Variants in BTD observed in about 807,000 individuals in gnomAD.
BTD encodes the protein biocytinase.
In BTD, 13 loss-of-function variants were observed where a neutral mutation model predicts 17.7. That is an observed-to-expected ratio of 0.74 (90% CI 0.48 to 1.17). The LOEUF is 1.17. Among genes scored for constraint, BTD ranks in the 50% most tolerant of loss-of-function variants. The probability of loss-of-function intolerance (pLI) is 0.00; values close to 1 mark genes in which losing one functional copy is unlikely to be tolerated. For missense variants in BTD, 674 were observed against 650.4 expected (o/e 1.04, Z -0.39); for synonymous variants, 240 against 245.2 (o/e 0.98, Z 0.20).
At chr3:15,722,197 G>A (rs1166230341) in exon 5 of BTD, among the ~76,000 whole-genome samples, 2 of 152,304 alleles carry the variant, frequency 1.3e-5, no homozygotes, top group Non-Finnish European at 2.9e-5. Context: ...TCTCTATTTA[G>A]AGTGGGAGCT....
chr3:15,616,264 C>G (rs528572730), intron 1 of BTD, among the ~76,000 whole-genome samples: 29 of 152,204 alleles, frequency 1.9e-4, no homozygotes, highest in Non-Finnish European at 3.8e-4. Context: ...GTGTTCCCAT[C>G]AGCAATGAAT....
intron 3 of BTD, among the ~76,000 whole-genome samples, chr3:15,704,204 A>C (rs73817069): frequency 6.6e-6 from 1 of 152,104 alleles, no homozygotes; most frequent in Admixed American, 6.5e-5. Context: ...ACATGATGTA[A>C]AATAAAGACA....
At chr3:15,661,373 T>C (rs2065923122) in intron 3 of BTD, among the ~76,000 whole-genome samples, 1 of 151,336 alleles carries the variant, frequency 6.6e-6, no homozygotes, top group South Asian at 2.1e-4. Context: ...TTCTAATTGG[T>C]GTGTTGTGGC....
chr3:15,642,611 C>T (rs554036189), intron 3 of BTD, among the ~76,000 whole-genome samples: 1 of 151,898 alleles, frequency 6.6e-6, no homozygotes, highest in African/African-American at 2.4e-5. Context: ...CCCACCACCA[C>T]GCCCGGCTAA....
intron 3 of BTD, among the ~76,000 whole-genome samples, chr3:15,706,071 TTG>T (rs1019438535): frequency 6.6e-6 from 1 of 151,896 alleles, no homozygotes; most frequent in South Asian, 2.1e-4. Flanking sequence ...AATTTTTTTT[TTG>T]TGTGTGTGTG....
chr3:15,711,144 A>T, exon 4 of BTD: 1 of 1,330,248 alleles, frequency 7.5e-7, no homozygotes, highest in Non-Finnish European at 1.1e-6. Context: ...AAAAAGAACA[A>T]AGATAAGAGA....
intron 1 of BTD, among the ~76,000 whole-genome samples, chr3:15,610,916 T>C (rs559878399): frequency 6.6e-6 from 1 of 150,644 alleles, no homozygotes; most frequent in East Asian, 1.9e-4. Flanking sequence ...GTCAGGGTCA[T>C]GGTTACTTGA....
chr3:15,621,423 A>T (rs1450333846), intron 1 of BTD, among the ~76,000 whole-genome samples: 1 of 152,086 alleles, frequency 6.6e-6, no homozygotes, highest in Non-Finnish European at 1.5e-5. Context: ...GGTATAATTT[A>T]TTTCTGAATG....
chr3:15,687,029 C>T (rs577934711), intron 3 of BTD, among the ~76,000 whole-genome samples: 2 of 151,596 alleles, frequency 1.3e-5, no homozygotes, highest in South Asian at 2.1e-4. Context: ...CTGCAACTTC[C>T]GCCTCCTGGG....
chr3:15,601,673 C>T, upstream of BTD: 1 of 1,554,348 alleles, frequency 6.4e-7, no homozygotes, highest in Non-Finnish European at 8.7e-7. Context: ...CGCGCGTTCT[C>T]CAATCAGAAC....
At chr3:15,610,497 C>T (rs1004711163) in intron 1 of BTD, among the ~76,000 whole-genome samples, 13 of 152,146 alleles carry the variant, frequency 8.5e-5, no homozygotes, top group African/African-American at 2.7e-4. Context: ...AGTCAATTTA[C>T]CATAACATCC....
At chr3:15,695,546 T>A (rs2069412840) in intron 3 of BTD, among the ~76,000 whole-genome samples, 1 of 152,154 alleles carries the variant, frequency 6.6e-6, no homozygotes, top group Non-Finnish European at 1.5e-5. Flanking sequence ...AAGCAAAGTT[T>A]AATGTAATTT....
At chr3:15,603,342 G>A (rs551955116) in intron 1 of BTD, among the ~76,000 whole-genome samples, 94 of 152,210 alleles carry the variant, frequency 6.2e-4, no homozygotes, top group African/African-American at 1.7e-3. Context: ...AGTCCCTTCC[G>A]CCTATGAGCC....
chr3:15,678,216 A>G (rs1559316976), intron 3 of BTD: 1 of 1,609,730 alleles, frequency 6.2e-7, no homozygotes, highest in Non-Finnish European at 8.5e-7. Context: ...TACCAACTGT[A>G]TTTGTTTGTC....
chr3:15,703,401 T>C (rs1005624404), intron 3 of BTD, among the ~76,000 whole-genome samples: 4 of 152,208 alleles, frequency 2.6e-5, no homozygotes, highest in Non-Finnish European at 5.9e-5. Flanking sequence ...GGTGATGTTA[T>C]TAGGAGGTGG....
At chr3:15,614,198 A>T (rs1214680848) in intron 1 of BTD, among the ~76,000 whole-genome samples, 1 of 144,532 alleles carries the variant, frequency 6.9e-6, no homozygotes, top group African/African-American at 2.6e-5. Context: ...GCCGTAGCCC[A>T]CTGCAGCCTT....
chr3:15,631,333 G>A, intron 1 of BTD: 1 of 837,568 alleles, frequency 1.2e-6, no homozygotes, highest in Non-Finnish European at 1.8e-6. Context: ...TTAAAAAGAT[G>A]TTTTATTTAT....
intron 1 of BTD, among the ~76,000 whole-genome samples, chr3:15,608,264 G>C (rs963418076): frequency 1.3e-5 from 2 of 152,164 alleles, no homozygotes; most frequent in African/African-American, 4.8e-5. Flanking sequence ...CAGAAGGAAT[G>C]TTGTTCCCTT....
At chr3:15,689,753 G>T in intron 3 of BTD, 1 of 304,080 alleles carries the variant, frequency 3.3e-6, no homozygotes, top group Middle Eastern at 1.0e-3. Flanking sequence ...AATATTTTTT[G>T]TGCTTGGTTT....
Sources: gnomAD v4.1 joint callset for allele counts (sites outside exome capture counted in the v4.1 genomes callset) on GRCh38, gnomAD v4.1.1 for gene constraint, MANE v1.5 for transcripts, NCBI Gene and HGNC (gene_info 2026-07-23, HGNC 2026-07-21) for gene names.